C18orf63: variants seen among roughly 807,000 people sequenced by gnomAD.
The protein encoded by C18orf63 is chromosome 18 open reading frame 63.
Under a neutral mutation model 75.3 loss-of-function variants are expected in C18orf63, and 50 were observed. That is an observed-to-expected ratio of 0.66 (90% CI 0.53 to 0.84). The LOEUF (loss-of-function observed/expected upper bound fraction) is 0.84. Ranked by LOEUF, C18orf63 falls within the 40% of genes least tolerant of loss-of-function variation. C18orf63 has a pLI of 0.00. For synonymous variants in C18orf63, 232 were observed against 267.6 expected, an observed-to-expected ratio of 0.87 and a Z score of 1.30; for missense variants, 732 against 800.2, an observed-to-expected ratio of 0.91 and a Z score of 1.03.
At chr18:74,342,607 A>C (rs1291115511) in intron 10 of C18orf63, among the ~76,000 whole-genome samples, 1 of 152,184 alleles carries the variant, frequency 6.6e-6, no homozygotes, top group Non-Finnish European at 1.5e-5. Flanking sequence ...GTAAGAAAGC[A>C]ATCATGATTC....
intron 5 of C18orf63, among the ~76,000 whole-genome samples, chr18:74,328,268 G>A (rs182248684): frequency 6.6e-6 from 1 of 152,234 alleles, no homozygotes; most frequent in Admixed American, 6.5e-5. Context: ...CATCTTACTT[G>A]GCAGCAGGCA....
rs1012800744 is a variant in C18orf63 at position 74,358,349 on chromosome 18, T to C, written c.*1902T>C. 4.6e-5 allele frequency: 7 copies of C among 152,164 alleles called. No homozygotes were observed. The highest frequency in any genetic ancestry group is 2.0e-4 in the Admixed American group (3 of 15,268). 9.4% of individuals were successfully genotyped at this position (152,164 alleles called of 1,614,324 possible). Reference sequence around the variant, plus strand: ...CTTACAATATTTATCCTAATGAAAGTTATAAAAATATATGCATATATTTAT... The same window carrying C: ...CTTACAATATTTATCCTAATGAAAGCTATAAAAATATATGCATATATTTAT... On this transcript the variant is annotated 3_prime_UTR_variant, in exon 14 of 14. Coordinates refer to ENST00000579455, the MANE Select transcript of C18orf63 (RefSeq NM_001174123.2).
At chr18:74,328,943 C>A (rs769022053) in intron 5 of C18orf63, 52 bp from the exon 6 acceptor site, 179 of 962,792 alleles carry the variant, frequency 1.9e-4, no homozygotes, top group Non-Finnish European at 2.6e-4. Context: ...AAATATCAAG[C>A]ATGATTATTT....
At chr18:74,351,183 G>A (rs1018032436) in intron 11 of C18orf63, among the ~76,000 whole-genome samples, 2 of 152,136 alleles carry the variant, frequency 1.3e-5, no homozygotes, top group Non-Finnish European at 2.9e-5. Context: ...TTTTCTTGGG[G>A]ACTTTCCGTT....
chr18:74,342,165 T>A (rs764048644), intron 9 of C18orf63, 37 bp downstream of exon 9: 1 of 1,431,944 alleles, frequency 7.0e-7, no homozygotes, highest in South Asian at 1.2e-5. Context: ...TAGAAGTTAT[T>A]TGATTTTTGT....
rs73468644 is a variant in C18orf63, at chr18:74,331,497, G to A, written c.501+555G>A. Among the ~76,000 whole-genome samples the A allele has an allele frequency of 5.5e-3, 845 of 152,264 alleles. 7 individuals carry two copies. Among genetic ancestry groups the A allele is most frequent in the African/African-American group, 0.02 (812 of 41,544 alleles). On this transcript the variant is annotated intron_variant, in intron 7 of 13. Transcript: ENST00000579455. ...TAGGCCAGTAGTTCTCAATGGAAGC[G>A]GTTGAGGGCAGGGAAATGAATGATT...
chr18:74,356,145 GT>G (rs1219882933), intron 13 of C18orf63, among the ~76,000 whole-genome samples: 2 of 152,160 alleles, frequency 1.3e-5, no homozygotes, highest in Admixed American at 1.3e-4. Flanking sequence ...GTATAAATTT[GT>G]GGGGTACAAG....
Position 74,340,839 on chromosome 18 carries a change from C to T in C18orf63, c.612-1193C>T, listed in dbSNP as rs542151419. On this transcript the variant is annotated intron_variant, in intron 8 of 13. Transcript: ENST00000579455. ...AAGCAGAGAGTAGAATAGTGCTTAC[C>T]GGGGCTGGGTAGGTGGGAGTGAAGG... 1.1e-4 allele frequency among the ~76,000 whole-genome samples: 16 copies of T among 151,986 alleles called. No homozygotes were observed. In the East Asian group the frequency reaches 2.1e-3, roughly 20 times the overall value.
At chr18:74,335,439 A>G (rs925598728) in intron 7 of C18orf63, among the ~76,000 whole-genome samples, 8 of 152,116 alleles carry the variant, frequency 5.3e-5, no homozygotes, top group African/African-American at 1.9e-4. Context: ...TTGAAACAGT[A>G]ATTTACTCAT....
intron 2 of C18orf63, among the ~76,000 whole-genome samples, chr18:74,320,303 TG>T (rs1984097851): frequency 6.6e-6 from 1 of 151,042 alleles, no homozygotes; most frequent in African/African-American, 2.4e-5. Context: ...GAGAGAGAGG[TG>T]GGGGGAGGAA....
chr18:74,329,318 G>A (rs1385038854), intron 6 of C18orf63, among the ~76,000 whole-genome samples: 2 of 144,908 alleles, frequency 1.4e-5, no homozygotes, highest in Non-Finnish European at 1.5e-5. Context: ...AGGCTGCAGT[G>A]AGCCATGATT....
At position 74,358,327 on chromosome 18, in the gene C18orf63, A is replaced by G. The variant is rs1984805361; in HGVS notation, c.*1880A>G. 2.0e-5 allele frequency: 3 copies of G among 152,114 alleles called. No individual in the cohort carries two copies. The highest frequency in any genetic ancestry group is 4.8e-5 in the African/African-American group (2 of 41,418). 9.4% of individuals were successfully genotyped at this position (152,114 alleles called of 1,614,324 possible). On this transcript the variant is annotated 3_prime_UTR_variant, in exon 14 of 14. Transcript: ENST00000579455. ...ATAAAGTAGGTTTGATTTTTATCTT[A>G]CAATATTTATCCTAATGAAAGTTAT... is the stretch of plus-strand genomic sequence containing the variant.
chr18:74,341,315 G>A lies in C18orf63; in HGVS notation c.612-717G>A, dbSNP rs568090750. On this transcript the variant is annotated intron_variant, in intron 8 of 13. Coordinates refer to ENST00000579455, the MANE Select transcript of C18orf63 (RefSeq NM_001174123.2). ...AAAAAAAAAAAAAAGTATTAGGTTG[G>A]TGCAAAAGTAATTGCAGTTTTTGCT... Among the ~76,000 whole-genome samples, 126 of 141,154 alleles carry A rather than the reference G, an allele frequency of 8.9e-4. 2 individuals are homozygous for A. In the South Asian group the frequency reaches 0.028, roughly 31 times the overall value. 92.6% of individuals were successfully genotyped at this position (141,154 alleles called of 152,430 possible).
Position 74,353,625 on chromosome 18 carries a change from T to C in C18orf63, c.1358T>C (p.Leu453Pro). The C allele has an allele frequency of 6.5e-7, 1 of 1,536,262 alleles. No homozygotes were observed. The highest frequency in any genetic ancestry group is 8.7e-7 in the Non-Finnish European group (1 of 1,146,930). ...CAAATGAACAAAAATACCTCAGTAC[T>C]TGGCAGCCCAAAAAGAAAACAGCAT... ...LLQMNKNTSV[L>P]GSPKRKQHDV... Residue 453 changes from leucine to proline, a missense_variant, in exon 12 of 14, where the codon CTT becomes CCT. Coordinates refer to ENST00000579455, the MANE Select transcript of C18orf63 (RefSeq NM_001174123.2).
At chr18:74,317,579 G>A (rs1984047115) in intron 1 of C18orf63, among the ~76,000 whole-genome samples, 1 of 152,158 alleles carries the variant, frequency 6.6e-6, no homozygotes, top group Non-Finnish European at 1.5e-5. Flanking sequence ...GTAAAAAACA[G>A]TGAATTGTAC....
intron 4 of C18orf63, among the ~76,000 whole-genome samples, chr18:74,326,078 G>A (rs1321903009): frequency 6.6e-6 from 1 of 152,216 alleles, no homozygotes; most frequent in Non-Finnish European, 1.5e-5. Flanking sequence ...GGTGGTTTAT[G>A]GGATTTGTAC....
In C18orf63 at chr18:74,354,052, C is replaced by T. The variant is rs1243340132; in HGVS notation, c.1785C>T (p.His595=). The T allele has an allele frequency of 6.5e-7, 1 of 1,536,286 alleles. No individual in the cohort carries two copies. Among genetic ancestry groups the T allele is most frequent in the African/African-American group, 1.4e-5 (1 of 73,112 alleles). Residue 595 remains histidine (H), a synonymous_variant, in exon 12 of 14, where the codon CAC becomes CAT. Transcript: ENST00000579455. ...HGSLKLKRQP[H]IFESDGETED... is the part of the protein sequence containing the mutation. The stretch of plus-strand genomic sequence containing the variant: ...CACTAAAACTGAAAAGACAGCCACA[C>T]ATTTTTGAATCAGATGGAGAAACCG...
intron 11 of C18orf63, among the ~76,000 whole-genome samples, chr18:74,350,166 T>C (rs1307961650): frequency 1.3e-5 from 2 of 152,144 alleles, no homozygotes; most frequent in East Asian, 1.9e-4. Context: ...TCAACAGAGA[T>C]AGTATATGAG....
chr18:74,321,534 A>C (rs1455691954), intron 3 of C18orf63, among the ~76,000 whole-genome samples: 1 of 152,040 alleles, frequency 6.6e-6, no homozygotes, highest in Admixed American at 6.6e-5. Flanking sequence ...CGAACTCCTG[A>C]GCTCAAGCAA....
Sources: gnomAD v4.1 joint callset for allele counts (sites outside exome capture counted in the v4.1 genomes callset) on GRCh38, gnomAD v4.1.1 for gene constraint, MANE v1.5 for transcripts, NCBI Gene and HGNC (gene_info 2026-07-23, HGNC 2026-07-21) for gene names.